TRIM71: variants seen among roughly 807,000 people sequenced by gnomAD.
TRIM71 encodes E3 ubiquitin-protein ligase TRIM71.
Under a neutral mutation model 61.2 loss-of-function variants are expected in TRIM71, and 9 were observed. That is an observed-to-expected ratio of 0.15 (90% CI 0.09 to 0.26). The LOEUF (loss-of-function observed/expected upper bound fraction) is 0.26. Ranked by LOEUF, TRIM71 falls within the 10% of genes least tolerant of loss-of-function variation. TRIM71 has a pLI of 1.00. For missense variants in TRIM71, 998 were observed against 1,238.7 expected, an observed-to-expected ratio of 0.81 and a Z score of 2.92; for synonymous variants, 645 against 553.2, an observed-to-expected ratio of 1.17 and a Z score of -2.33.
In TRIM71 at chr3:32,818,034, C is replaced by A; in HGVS notation, c.-47C>A. ...ACCTCGTCCGCTCTCTCCTCCTCCT[C>A]CTCCTCTTCCTCTCTGGTCTCCTCC... is the stretch of plus-strand genomic sequence containing the variant. On this transcript the variant is annotated 5_prime_UTR_variant, in exon 1 of 4. Transcript: ENST00000383763. 5 of 1,579,092 alleles carry A rather than the reference C, an allele frequency of 3.2e-6. No homozygotes were observed. In the South Asian group the frequency reaches 3.3e-5, roughly 11 times the overall value.
chr3:32,891,602 G>C lies in TRIM71; in HGVS notation c.2398G>C (p.Val800Leu). 6.2e-7 allele frequency: 1 copy of C among 1,613,738 alleles called. No individual in the cohort carries two copies. The highest frequency in any genetic ancestry group is 2.2e-5 in the East Asian group (1 of 44,870). Reference sequence around the variant, plus strand: ...TGGGCAGTTCCTGCGCCCACAAGGGGTAGCTGTGGACCAGGAAGGGCGCAT... The same window carrying C: ...TGGGCAGTTCCTGCGCCCACAAGGGCTAGCTGTGGACCAGGAAGGGCGCAT... ...GNGQFLRPQG[V>L]AVDQEGRIIV... is the part of the protein sequence containing the mutation. The change falls in exon 4 of 4, where the codon GTA (valine) becomes CTA (leucine). Residue 800 changes from valine (V) to leucine (L), a missense_variant. Val to Leu is a conservative substitution (Grantham distance 32). Transcript: ENST00000383763. The surrounding 1 kb of genome is among the most constrained non-coding windows in gnomAD (Gnocchi z 8.2).
intron 1 of TRIM71, among the ~76,000 whole-genome samples, chr3:32,855,432 C>G (rs959069563): frequency 1.3e-5 from 2 of 152,006 alleles, no homozygotes; most frequent in East Asian, 1.9e-4. Context: ...CCCAGCCAAA[C>G]GCTGTGGGCA....
At position 32,856,597 on chromosome 3, in the gene TRIM71, A is replaced by G. The variant is rs574741611; in HGVS notation, c.853-17221A>G. ...AAGGCTGTTTTGACTGGACATGAAT[A>G]AGAGTGGAGTCACTGGCCTCCTGCA... On this transcript the variant is annotated intron_variant, in intron 1 of 3. Transcript: ENST00000383763. Among the ~76,000 whole-genome samples the G allele has an allele frequency of 2.6e-4, 39 of 152,340 alleles. 1 individual carries two copies. The South Asian group carries it at 7.9e-3, about 31-fold the overall frequency.
At position 32,890,288 on chromosome 3, in the gene TRIM71, T is replaced by C; in HGVS notation, c.1156-72T>C. ...TCTGATGCTTCCTTGTGATTAGTTG[T>C]GGCTTATGTGGTATTTTCTGTGCTT... On this transcript the variant is annotated intron_variant, in intron 3 of 3. Coordinates refer to ENST00000383763, the MANE Select transcript of TRIM71 (RefSeq NM_001039111.3). The surrounding 1 kb of genome is among the most constrained non-coding windows in gnomAD (Gnocchi z 6.2). 3.3e-6 allele frequency: 5 copies of C among 1,527,800 alleles called. No individual in the cohort carries two copies. The South Asian group carries it at 6.4e-5, about 19-fold the overall frequency. The allele number at this position is 1,527,800 out of a possible 1,614,324, so 94.6% of individuals were successfully genotyped here.
chr3:32,822,691 TC>T (rs1318111513), intron 1 of TRIM71, among the ~76,000 whole-genome samples: 1 of 152,200 alleles, frequency 6.6e-6, no homozygotes, highest in African/African-American at 2.4e-5. Context: ...AATTATAAAA[TC>T]CATACCAAAA....
intron 1 of TRIM71, among the ~76,000 whole-genome samples, chr3:32,832,712 T>A (rs1696286134): frequency 6.6e-6 from 1 of 152,092 alleles, no homozygotes; most frequent in African/African-American, 2.4e-5. Flanking sequence ...ATAAAGATTG[T>A]AAAATTAGAC....
intron 1 of TRIM71, among the ~76,000 whole-genome samples, chr3:32,848,264 A>G (rs1038444592): frequency 1.3e-5 from 2 of 152,214 alleles, no homozygotes; most frequent in African/African-American, 4.8e-5. Flanking sequence ...ATCTGAATAT[A>G]TGGTGAGTTT....
chr3:32,842,574 T>G (rs1329576683), intron 1 of TRIM71, among the ~76,000 whole-genome samples: 1 of 152,188 alleles, frequency 6.6e-6, no homozygotes, highest in African/African-American at 2.4e-5. Context: ...CCTTCCTGGA[T>G]AGAGTCCAGA....
intron 1 of TRIM71, among the ~76,000 whole-genome samples, chr3:32,835,240 G>T (rs373607139): frequency 6.6e-6 from 1 of 152,192 alleles, no homozygotes; most frequent in Non-Finnish European, 1.5e-5. Flanking sequence ...TAACATGATG[G>T]GGGGAGTGGG....
chr3:32,887,953 G>C (rs1317378568), intron 3 of TRIM71, among the ~76,000 whole-genome samples: 2 of 152,172 alleles, frequency 1.3e-5, no homozygotes, highest in African/African-American at 2.4e-5. Context: ...ATGGCTTTCA[G>C]ATCTGTAGAA....
intron 3 of TRIM71, among the ~76,000 whole-genome samples, chr3:32,887,350 T>C (rs1407904689): frequency 6.6e-6 from 1 of 152,128 alleles, no homozygotes; most frequent in Non-Finnish European, 1.5e-5. Context: ...TTCATTGTAG[T>C]AAGCAGTTTC....
chr3:32,885,907 C>T (rs202115691), intron 2 of TRIM71, 27 bp from the exon 3 acceptor site: 62 of 1,605,096 alleles, frequency 3.9e-5, no homozygotes, highest in Non-Finnish European at 4.8e-5. Flanking sequence ...TCTAATGCCT[C>T]GAAGTTGTTT....
At chr3:32,838,926 G>A (rs140318746) in intron 1 of TRIM71, among the ~76,000 whole-genome samples, 1 of 152,142 alleles carries the variant, frequency 6.6e-6, no homozygotes, top group Admixed American at 6.5e-5. Flanking sequence ...TCAGCCTCCT[G>A]AGTAGCTGAG....
Position 32,818,077 on chromosome 3 carries a change from G to C in TRIM71, c.-4G>C. 4 of 1,609,874 alleles carry C rather than the reference G, an allele frequency of 2.5e-6. No homozygotes were observed. The highest frequency in any genetic ancestry group is 3.4e-6 in the Non-Finnish European group (4 of 1,177,726). ...TCTCCTCCCTCCTCCGGGCTGGGTT[G>C]CAAATGGCTTCGTTCCCCGAGACCG... On this transcript the variant is annotated 5_prime_UTR_variant, in exon 1 of 4. Transcript: ENST00000383763.
chr3:32,836,862 C>G (rs1427090458), intron 1 of TRIM71, among the ~76,000 whole-genome samples: 1 of 152,170 alleles, frequency 6.6e-6, no homozygotes. Flanking sequence ...AGGAAATAGT[C>G]TCTGCAGACG....
At position 32,895,202 on chromosome 3, in the gene TRIM71, C is replaced by G. The variant is rs1007208601; in HGVS notation, c.*3391C>G. 3.3e-5 allele frequency: 5 copies of G among 152,230 alleles called. No individual in the cohort carries two copies. The highest frequency in any genetic ancestry group is 1.2e-4 in the African/African-American group (5 of 41,462). The allele number at this position is 152,230 out of a possible 1,614,324, so 9.4% of individuals were successfully genotyped here. On this transcript the variant is annotated 3_prime_UTR_variant, in exon 4 of 4. Coordinates refer to ENST00000383763, the MANE Select transcript of TRIM71 (RefSeq NM_001039111.3). ...CCCTGTTGTGGCTGCAAGTGGCACT[C>G]AAGTTGACTAGAGCACAGTGACCTG...
intron 1 of TRIM71, among the ~76,000 whole-genome samples, chr3:32,839,452 G>A (rs544634100): frequency 2.0e-5 from 3 of 152,042 alleles, no homozygotes; most frequent in Middle Eastern, 3.4e-3. Context: ...GGCTGGTCTC[G>A]AACTCCTGAC....
At chr3:32,855,354 T>C (rs1300950970) in intron 1 of TRIM71, among the ~76,000 whole-genome samples, 1 of 139,132 alleles carries the variant, frequency 7.2e-6, no homozygotes, top group African/African-American at 2.8e-5. Flanking sequence ...GAGGTAGGTA[T>C]GGGGCCACTG....
chr3:32,827,773 G>C (rs1045008180), intron 1 of TRIM71, among the ~76,000 whole-genome samples: 3 of 152,150 alleles, frequency 2.0e-5, no homozygotes, highest in African/African-American at 7.2e-5. Context: ...AGCCTGAGTG[G>C]TCAATCAGGT....
Sources: allele counts gnomAD v4.1 joint callset (sites outside exome capture counted in the v4.1 genomes callset), GRCh38; gene constraint gnomAD v4.1.1; non-coding constraint Gnocchi (gnomAD v3.1); transcripts MANE v1.5; gene names NCBI Gene and HGNC (gene_info 2026-07-23, HGNC 2026-07-21).